The following ZNF346 variants were observed in gnomAD, a reference collection of about 807,000 sequenced individuals.
ZNF346 encodes double-stranded RNA-binding zinc finger protein JAZ.
Under a neutral mutation model 33.7 loss-of-function variants are expected in ZNF346, and 23 were observed. The observed-to-expected ratio is 0.68, with a 90% CI of 0.49 to 0.97. The LOEUF (loss-of-function observed/expected upper bound fraction) is 0.97, where lower values mean the gene tolerates loss of function less well. Among genes scored for constraint, ZNF346 ranks in the 50% least tolerant of loss-of-function variants. ZNF346 has a pLI of 0.00. For synonymous variants in ZNF346, 134 were observed against 142.4 expected (o/e 0.94, Z 0.42); for missense variants, 340 against 371.1 (o/e 0.92, Z 0.69).
intron 8 of ZNF346, among the ~76,000 whole-genome samples, chr5:177,074,073 T>C (rs576262210): frequency 1.3e-5 from 2 of 152,258 alleles, no homozygotes; most frequent in East Asian, 3.9e-4. Context: ...CCCTCTAGCA[T>C]AGCCAATCCA....
intron 5 of ZNF346, among the ~76,000 whole-genome samples, chr5:177,053,989 A>G (rs1426952805): frequency 6.6e-6 from 1 of 152,154 alleles, no homozygotes; most frequent in Non-Finnish European, 1.5e-5. Flanking sequence ...CATCCTAAAC[A>G]GGGTAGAATG....
At chr5:177,056,944 T>G (rs1781768223) in intron 5 of ZNF346, among the ~76,000 whole-genome samples, 1 of 152,138 alleles carries the variant, frequency 6.6e-6, no homozygotes, top group South Asian at 2.1e-4. Context: ...AAACAAGAAA[T>G]TATTACTGAA....
At chr5:177,053,201 A>T (rs1420149394) in intron 5 of ZNF346, among the ~76,000 whole-genome samples, 1 of 151,666 alleles carries the variant, frequency 6.6e-6, no homozygotes, top group African/African-American at 2.4e-5. Flanking sequence ...CTATAGTCCC[A>T]GCTACTTAGG....
intron 8 of ZNF346, among the ~76,000 whole-genome samples, chr5:177,073,928 G>A (rs1235873495): frequency 5.3e-5 from 8 of 152,100 alleles, no homozygotes. Flanking sequence ...TCCAAGGTTA[G>A]GACTTAAGTG....
intron 5 of ZNF346, among the ~76,000 whole-genome samples, chr5:177,053,370 T>G (rs1424838379): frequency 6.7e-6 from 1 of 148,412 alleles, no homozygotes; most frequent in East Asian, 2.0e-4. Context: ...AAGCTGGTCA[T>G]GAGCTCTTGG....
intron 3 of ZNF346, among the ~76,000 whole-genome samples, chr5:177,042,690 ATTAT>A (rs974122458): frequency 2.6e-5 from 4 of 151,132 alleles, no homozygotes; most frequent in Non-Finnish European, 5.9e-5. Flanking sequence ...GGTTTCCCTT[ATTAT>A]TTATTTATTT....
In ZNF346 at chr5:177,050,932, T is replaced by C; in HGVS notation, c.699T>C (p.Phe233=). 1.2e-6 allele frequency: 2 copies of C among 1,613,838 alleles called. No homozygotes were observed. Among genetic ancestry groups the C allele is most frequent in the East Asian group, 2.2e-5 (1 of 44,876 alleles). The change falls in exon 5 of 7, where the codon TTT becomes TTC. Residue 233 remains phenylalanine (F), a synonymous_variant. Coordinates refer to ENST00000358149, the MANE Select transcript of ZNF346 (RefSeq NM_012279.4). The part of the protein sequence containing the change: ...GRLADPAVTD[F]PAGKGYPCKT... ...TGGCGGACCCTGCTGTCACTGACTT[T>C]CCAGGTGAGGGGGCCTAGCTCACAC...
Position 177,065,299 on chromosome 5 carries a change from C to A in ZNF346, c.*700C>A, listed in dbSNP as rs963236431. 62 of 153,234 alleles carry A rather than the reference C, an allele frequency of 4.0e-4. No homozygotes were observed. Among genetic ancestry groups the A allele is most frequent in the Non-Finnish European group, 2.2e-4 (15 of 68,554 alleles). The allele number at this position is 153,234 out of a possible 1,614,324, so 9.5% of individuals were successfully genotyped here. ...CTGGGGCTGGGGGCGGCCTCCATGT[C>A]CACTGAGATCATAGGACACTCCAAT... On this transcript the variant is annotated 3_prime_UTR_variant, in exon 7 of 7. Coordinates refer to ENST00000358149, the MANE Select transcript of ZNF346 (RefSeq NM_012279.4).
rs149113548 is a variant in ZNF346, at chr5:177,039,516, C to T, written c.176-1610C>T. Among the ~76,000 whole-genome samples the T allele has an allele frequency of 2.4e-3, 360 of 151,988 alleles. 2 individuals are homozygous for T. The highest frequency in any genetic ancestry group is 8.2e-3 in the African/African-American group (340 of 41,428). Reference sequence around the variant, plus strand: ...CCAGGCTGGAGTACAGTGGCACTAACATGGCTTGCCATAGCCTTGACCTCC... The same window carrying T: ...CCAGGCTGGAGTACAGTGGCACTAATATGGCTTGCCATAGCCTTGACCTCC... On this transcript the variant is annotated intron_variant, in intron 1 of 6. Coordinates refer to ENST00000358149, the MANE Select transcript of ZNF346 (RefSeq NM_012279.4).
rs1464392467 is a variant in ZNF346, at chr5:177,065,712, C to T, written c.*1113C>T. The T allele has an allele frequency of 6.6e-6, 1 of 152,412 alleles. No homozygotes were observed. Among genetic ancestry groups the T allele is most frequent in the Non-Finnish European group, 1.5e-5 (1 of 68,032 alleles). 9.4% of individuals were successfully genotyped at this position (152,412 alleles called of 1,614,324 possible). ...CACACGGATAGATTTTTCCTTGTAA[C>T]CTTGAGACGAGAATTCCAAGGAGTG... On this transcript the variant is annotated 3_prime_UTR_variant, in exon 7 of 7. Transcript: ENST00000358149.
chr5:177,054,997 C>T (rs1420007086), intron 5 of ZNF346, among the ~76,000 whole-genome samples: 1 of 149,630 alleles, frequency 6.7e-6, no homozygotes, highest in African/African-American at 2.5e-5. Context: ...GATTTTGCTA[C>T]ATATTACTAT....
intron 1 of ZNF346, chr5:177,023,373 T>C (rs1382898490): frequency 1.5e-6 from 1 of 682,130 alleles, no homozygotes; most frequent in Non-Finnish European, 2.6e-6. Context: ...CCTTACCCCC[T>C]GGGTTCCTCC....
At chr5:177,076,781 C>G (rs1003141502) in intron 8 of ZNF346, among the ~76,000 whole-genome samples, 10 of 152,338 alleles carry the variant, frequency 6.6e-5, no homozygotes, top group African/African-American at 2.4e-4. Context: ...TGGCTCACGC[C>G]TGTAATCCCA....
chr5:177,029,807 G>A (rs1356699497), intron 1 of ZNF346, among the ~76,000 whole-genome samples: 1 of 152,180 alleles, frequency 6.6e-6, no homozygotes, highest in Non-Finnish European at 1.5e-5. Flanking sequence ...GAATCCAGGG[G>A]TGTCATGGAA....
chr5:177,063,136 G>A (rs1230388691), intron 6 of ZNF346, among the ~76,000 whole-genome samples: 1 of 151,828 alleles, frequency 6.6e-6, no homozygotes, highest in Admixed American at 6.6e-5. Flanking sequence ...CTGAGCTCAA[G>A]TGATCCATCT....
intron 1 of ZNF346, among the ~76,000 whole-genome samples, chr5:177,026,637 C>T (rs1776825032): frequency 6.6e-6 from 1 of 152,114 alleles, no homozygotes; most frequent in African/African-American, 2.4e-5. Flanking sequence ...GTTGGGATTA[C>T]AGGTGTGAGC....
chr5:177,038,247 C>T (rs1363340537), intron 1 of ZNF346, among the ~76,000 whole-genome samples: 1 of 144,900 alleles, frequency 6.9e-6, no homozygotes, highest in East Asian at 2.0e-4. Context: ...CGCCACCATG[C>T]CCAACTACGT....
intron 1 of ZNF346, among the ~76,000 whole-genome samples, chr5:177,039,527 A>G (rs1425566061): frequency 6.6e-6 from 1 of 151,266 alleles, no homozygotes; most frequent in Non-Finnish European, 1.5e-5. Flanking sequence ...ATGGCTTGCC[A>G]TAGCCTTGAC....
At chr5:177,050,635 C>A in intron 4 of ZNF346, 116 bp from the exon 5 acceptor site, 2 of 1,105,036 alleles carry the variant, frequency 1.8e-6, no homozygotes, top group Non-Finnish European at 2.7e-6. Flanking sequence ...CCTTTCTATT[C>A]AGCATACTCA....
Sources: gnomAD v4.1 joint callset for allele counts (sites outside exome capture counted in the v4.1 genomes callset) on GRCh38, gnomAD v4.1.1 for gene constraint, MANE v1.5 for transcripts, NCBI Gene and HGNC (gene_info 2026-07-23, HGNC 2026-07-21) for gene names.